SUMO2: variants seen among roughly 807,000 people sequenced by gnomAD.
SUMO2 encodes small ubiquitin-related modifier 2.
In SUMO2, 1 loss-of-function variant was observed where a neutral mutation model predicts 16.0. The ratio of observed to expected loss-of-function variants is 0.06; its 90% confidence interval spans 0.02 to 0.30. The LOEUF (loss-of-function observed/expected upper bound fraction) is 0.30, where lower values mean the gene tolerates loss of function less well. SUMO2 is among the 10% of genes least tolerant of loss of function. SUMO2 has a pLI of 1.00. For synonymous variants in SUMO2, 36 were observed against 40.6 expected (o/e 0.89, Z 0.43); for missense variants, 16 against 117.5 (o/e 0.14, Z 3.99).
At chr17:75,170,682 C>T (rs80223643) in intron 3 of SUMO2, among the ~76,000 whole-genome samples, 2 of 151,734 alleles carry the variant, frequency 1.3e-5, no homozygotes, top group South Asian at 4.2e-4. Flanking sequence ...AACCCCGTCT[C>T]TACTAAAAAT....
intron 2 of SUMO2, among the ~76,000 whole-genome samples, chr17:75,180,415 A>ACAC (rs1001320041): frequency 4.8e-5 from 7 of 145,182 alleles, no homozygotes; most frequent in African/African-American, 1.5e-4. Flanking sequence ...AAAAAAAAAA[A>ACAC]AAAAAACGAC....
chr17:75,173,652 T>G (rs1464835184), intron 3 of SUMO2, among the ~76,000 whole-genome samples: 1 of 152,020 alleles, frequency 6.6e-6, no homozygotes, highest in Non-Finnish European at 1.5e-5. Context: ...ATTTTTGTAT[T>G]TTTTTGTAAA....
At chr17:75,181,977 CG>C (rs567293884) in intron 1 of SUMO2, among the ~76,000 whole-genome samples, 2 of 151,678 alleles carry the variant, frequency 1.3e-5, no homozygotes, top group Non-Finnish European at 2.9e-5. Context: ...GCGCGGGAGG[CG>C]GGGGGTGCCA....
At chr17:75,169,524 C>T (rs1325608562) in intron 3 of SUMO2, among the ~76,000 whole-genome samples, 2 of 151,414 alleles carry the variant, frequency 1.3e-5, no homozygotes, top group East Asian at 3.9e-4. Flanking sequence ...GCTGGGACTA[C>T]AGGTGCCCGC....
Position 75,182,943 on chromosome 17 carries a change from G to T in SUMO2, c.-109C>A. 3.1e-6 allele frequency: 3 copies of T among 960,530 alleles called. No homozygotes were observed. The highest frequency in any genetic ancestry group is 2.8e-6 in the Non-Finnish European group (2 of 724,362). 59.5% of individuals were successfully genotyped at this position (960,530 alleles called of 1,614,324 possible). ...AGCGGCAGAAGAAGGAGGCGGCAGC[G>T]GTGGACGAGGGGAGAGGGTGCGCGC... On this transcript the variant is annotated 5_prime_UTR_variant, in exon 1 of 4. Transcript: ENST00000420826.
intron 2 of SUMO2, among the ~76,000 whole-genome samples, chr17:75,178,869 C>G (rs886192640): frequency 6.6e-6 from 1 of 151,884 alleles, no homozygotes; most frequent in South Asian, 2.1e-4. Flanking sequence ...GCAGAAGAAT[C>G]GCTTAAAACT....
intron 2 of SUMO2, among the ~76,000 whole-genome samples, 166 bp downstream of exon 2, chr17:75,180,891 T>C (rs2074823981): frequency 6.6e-6 from 1 of 152,152 alleles, no homozygotes; most frequent in Admixed American, 6.6e-5. Flanking sequence ...CCTAAGGGTT[T>C]TCACGAGCTA....
chr17:75,177,167 G>C (rs1220601040), intron 2 of SUMO2, among the ~76,000 whole-genome samples: 1 of 144,420 alleles, frequency 6.9e-6, no homozygotes, highest in Admixed American at 6.9e-5. Flanking sequence ...CGAGACTCTT[G>C]TCTCAAAAAA....
At chr17:75,169,243 G>GA (rs1491108949) in intron 3 of SUMO2, among the ~76,000 whole-genome samples, 13 of 151,598 alleles carry the variant, frequency 8.6e-5, no homozygotes, top group African/African-American at 2.2e-4. Context: ...CAAAAAAAGA[G>GA]AAAAAAAGGC....
At chr17:75,172,086 GCAACC>G (rs2074744053) in intron 3 of SUMO2, among the ~76,000 whole-genome samples, 1 of 150,238 alleles carries the variant, frequency 6.7e-6, no homozygotes, top group African/African-American at 2.5e-5. Flanking sequence ...CGCGCTCACT[GCAACC>G]TCGACTGTCT....
At position 75,170,237 on chromosome 17, in the gene SUMO2, C is replaced by T. The variant is rs141868990; in HGVS notation, c.226-1836G>A. 1.2e-3 allele frequency among the ~76,000 whole-genome samples: 176 copies of T among 152,222 alleles called. 2 individuals carry two copies. Among genetic ancestry groups the T allele is most frequent in the African/African-American group, 3.8e-3 (158 of 41,542 alleles). On this transcript the variant is annotated intron_variant, in intron 3 of 3. Transcript: ENST00000420826. ...GAAGGGTGATATGTTTAAAGAATCT[C>T]GCTGCACTGCTTAGCAAAGACTGAA...
rs2074824588 is a variant in SUMO2, at chr17:75,180,975, G to A, written c.153+82C>T. The A allele has an allele frequency of 2.9e-5, 45 of 1,532,936 alleles. No individual in the cohort carries two copies. In the South Asian group the frequency reaches 5.1e-4, roughly 17 times the overall value. 95.0% of individuals were successfully genotyped at this position (1,532,936 alleles called of 1,614,324 possible). A position where few individuals can be genotyped will look rare whatever the true frequency, so the allele number is the denominator to read the frequency against. On this transcript the variant is annotated intron_variant, in intron 2 of 3. Coordinates refer to ENST00000420826, the MANE Select transcript of SUMO2 (RefSeq NM_006937.4). ...TCCCATCAAAAAGTCACTGTAATGTGCTAGTCTAGTTTTTGTTCCCATGAA... is the reference window on the plus strand; with the variant it reads ...TCCCATCAAAAAGTCACTGTAATGTACTAGTCTAGTTTTTGTTCCCATGAA...
rs531011543 is a variant in SUMO2 at position 75,177,634 on chromosome 17, A to G, written c.154-2811T>C. Among the ~76,000 whole-genome samples, 4 of 151,708 alleles carry G rather than the reference A, an allele frequency of 2.6e-5. No homozygotes were observed. In the East Asian group the frequency reaches 5.8e-4, roughly 22 times the overall value. ...GAGGCGGAGGTTCCAGTAAGCCTAGATTGCGCCATTGCATTCAGCCTCAGT... is the reference window on the plus strand; with the variant it reads ...GAGGCGGAGGTTCCAGTAAGCCTAGGTTGCGCCATTGCATTCAGCCTCAGT... On this transcript the variant is annotated intron_variant, in intron 2 of 3. Coordinates refer to ENST00000420826, the MANE Select transcript of SUMO2 (RefSeq NM_006937.4).
intron 2 of SUMO2, among the ~76,000 whole-genome samples, 170 bp from the exon 3 acceptor site, chr17:75,174,993 CTTTTT>C (rs938376354): frequency 6.6e-6 from 1 of 151,808 alleles, no homozygotes; most frequent in Non-Finnish European, 1.5e-5. Context: ...TTTTCATTTT[CTTTTT>C]TTTGAGACAG....
chr17:75,174,743 T>G lies in SUMO2; in HGVS notation c.225+9A>C. 1 of 1,605,406 alleles carries G rather than the reference T, an allele frequency of 6.2e-7. No homozygotes were observed. Among genetic ancestry groups the G allele is most frequent in the Non-Finnish European group, 8.5e-7 (1 of 1,177,094 alleles). ...TGGTAATTTTTCTAATTAGGAGAGA[T>G]TTTTTTACCTGTGCAGGTGTGTCTG... On this transcript the variant is annotated intron_variant, in intron 3 of 3. Transcript: ENST00000420826.
intron 3 of SUMO2, among the ~76,000 whole-genome samples, chr17:75,168,883 G>A (rs1325956126): frequency 6.6e-6 from 1 of 152,018 alleles, no homozygotes; most frequent in Non-Finnish European, 1.5e-5. Flanking sequence ...GGGATTACAG[G>A]TGTGAGCCAC....
chr17:75,174,027 G>A (rs538399543), intron 3 of SUMO2, among the ~76,000 whole-genome samples: 28 of 152,290 alleles, frequency 1.8e-4, no homozygotes, highest in African/African-American at 6.5e-4. Flanking sequence ...GGCAATTAGG[G>A]CTATTAGTTC....
At position 75,173,908 on chromosome 17, in the gene SUMO2, A is replaced by T. The variant is rs144270622; in HGVS notation, c.225+844T>A. Among the ~76,000 whole-genome samples, 148 of 152,318 alleles carry T rather than the reference A, an allele frequency of 9.7e-4. 2 individuals carry two copies. Among genetic ancestry groups the T allele is most frequent in the African/African-American group, 3.5e-3 (146 of 41,582 alleles). On this transcript the variant is annotated intron_variant, in intron 3 of 3. Coordinates refer to ENST00000420826, the MANE Select transcript of SUMO2 (RefSeq NM_006937.4). ...TACAGAAAGTGACAGAACAAAATGA[A>T]GTGGTACATAAAGAGTTAAAGGATC...
rs1251939515 is a variant in SUMO2, at chr17:75,167,244, T to C, written c.*1095A>G. On this transcript the variant is annotated 3_prime_UTR_variant, in exon 4 of 4. Coordinates refer to ENST00000420826, the MANE Select transcript of SUMO2 (RefSeq NM_006937.4). The stretch of plus-strand genomic sequence containing the variant: ...AGGCTGAGGTTGCAGTGAGCTGAAA[T>C]TGCACCACTACACTCCAGCCTGGGC... The C allele has an allele frequency of 6.6e-6, 1 of 151,282 alleles. No individual in the cohort carries two copies. Among genetic ancestry groups the C allele is most frequent in the Non-Finnish European group, 1.5e-5 (1 of 67,920 alleles). The allele number at this position is 151,282 out of a possible 1,614,324, so 9.4% of individuals were successfully genotyped here.
Sources: gnomAD v4.1 joint callset for allele counts (sites outside exome capture counted in the v4.1 genomes callset) on GRCh38, gnomAD v4.1.1 for gene constraint, MANE v1.5 for transcripts, NCBI Gene and HGNC (gene_info 2026-07-23, HGNC 2026-07-21) for gene names.